The following BNC2 variants were observed in gnomAD, a reference collection of about 807,000 sequenced individuals.
BNC2 encodes zinc finger protein basonuclin-2.
BNC2 carries 20 observed loss-of-function variants against 76.3 expected under a neutral mutation model. That is an observed-to-expected ratio of 0.26 (90% CI 0.18 to 0.38). The LOEUF (loss-of-function observed/expected upper bound fraction) is 0.38, where lower values mean the gene tolerates loss of function less well. Ranked by LOEUF, BNC2 falls within the 10% of genes least tolerant of loss-of-function variation. BNC2 has a pLI of 1.00. For synonymous variants in BNC2, 582 were observed against 514.8 expected (o/e 1.13, Z -1.77); for missense variants, 1,382 against 1,399.8 (o/e 0.99, Z 0.20).
chr9:16,724,235 C>A (rs1439259705), intron 3 of BNC2, among the ~76,000 whole-genome samples: 1 of 151,900 alleles, frequency 6.6e-6, no homozygotes, highest in African/African-American at 2.4e-5. Flanking sequence ...ATAGACTGGA[C>A]TATTACATCC....
chr9:16,633,149 G>T (rs1476222880), intron 3 of BNC2, among the ~76,000 whole-genome samples: 1 of 152,110 alleles, frequency 6.6e-6, no homozygotes, highest in Non-Finnish European at 1.5e-5. Flanking sequence ...TGCGCAATTT[G>T]CCTCTGCAAC....
intron 2 of BNC2, among the ~76,000 whole-genome samples, chr9:16,732,297 G>A (rs929442024): frequency 6.6e-6 from 1 of 152,036 alleles, no homozygotes; most frequent in South Asian, 2.1e-4. Context: ...TTGAGGGGAA[G>A]GGGATATAAC....
Position 16,727,779 on chromosome 9 carries a change from A to G in BNC2, c.330+18T>C, listed in dbSNP as rs1262457026. On this transcript the variant is annotated intron_variant, in intron 3 of 6. Transcript: ENST00000380672. ...CTTAAAAAAAAGAAAAAAAAAATCA[A>G]GAAAGAAAGTAACTTACCTGTTGGG... 3.1e-6 allele frequency: 5 copies of G among 1,596,954 alleles called. No individual in the cohort carries two copies. The highest frequency in any genetic ancestry group is 3.4e-6 in the Non-Finnish European group (4 of 1,173,660).
intron 3 of BNC2, among the ~76,000 whole-genome samples, chr9:16,711,730 T>C (rs1823852674): frequency 6.6e-6 from 1 of 152,200 alleles, no homozygotes; most frequent in African/African-American, 2.4e-5. Context: ...AGAAGGAATA[T>C]ATTCTACTTT....
At position 16,689,024 on chromosome 9, in the gene BNC2, C is replaced by G. The variant is rs577825351; in HGVS notation, c.330+38773G>C. Among the ~76,000 whole-genome samples, 6 of 151,996 alleles carry G rather than the reference C, an allele frequency of 3.9e-5. No individual in the cohort carries two copies. In the South Asian group the frequency reaches 1.2e-3, roughly 32 times the overall value. On this transcript the variant is annotated intron_variant, in intron 3 of 6. Coordinates refer to ENST00000380672, the MANE Select transcript of BNC2 (RefSeq NM_017637.6). ...CTCAGGAGAATTCAACAAGGGAGGG[C>G]CAGTGGGCATTCACTTCGGTGTCAA...
intron 5 of BNC2, among the ~76,000 whole-genome samples, chr9:16,475,069 C>T (rs1227282696): frequency 6.6e-6 from 1 of 152,156 alleles, no homozygotes; most frequent in Non-Finnish European, 1.5e-5. Context: ...CAACACTATT[C>T]AGAAAGTAGG....
rs1820597826 is a variant in BNC2 at position 16,417,022 on chromosome 9, CT to C, written c.*1966del. On this transcript the variant is annotated 3_prime_UTR_variant, in exon 7 of 7. Coordinates refer to ENST00000380672, the MANE Select transcript of BNC2 (RefSeq NM_017637.6). ...TAAAGGGATATTTCTAACTTTTAGA[CT>C]GATGAAAGAAATGTCTGAGGCCATT... The C allele has an allele frequency of 2.6e-5, 4 of 152,444 alleles. No individual in the cohort carries two copies. The highest frequency in any genetic ancestry group is 1.3e-4 in the Admixed American group (2 of 15,274). 9.4% of individuals were successfully genotyped at this position (152,444 alleles called of 1,614,324 possible).
intron 3 of BNC2, among the ~76,000 whole-genome samples, chr9:16,598,593 G>A (rs955718893): frequency 6.6e-6 from 1 of 152,142 alleles, no homozygotes; most frequent in East Asian, 1.9e-4. Context: ...CTAGAAATAA[G>A]TACCTTCTTC....
At chr9:16,704,631 C>A (rs1197166817) in intron 3 of BNC2, 1 of 145,328 alleles carries the variant, frequency 6.9e-6, no homozygotes, top group East Asian at 2.0e-4. Flanking sequence ...CTTCTGCATT[C>A]CAAAATTGTA....
intron 1 of BNC2, among the ~76,000 whole-genome samples, chr9:16,788,149 G>C (rs972184118): frequency 1.3e-5 from 2 of 152,152 alleles, no homozygotes; most frequent in African/African-American, 4.8e-5. Flanking sequence ...CTGACTTCCA[G>C]TTCCACGGAC....
intron 1 of BNC2, among the ~76,000 whole-genome samples, chr9:16,764,624 A>G (rs1328015583): frequency 6.6e-6 from 1 of 152,206 alleles, no homozygotes; most frequent in African/African-American, 2.4e-5. Flanking sequence ...TAGAAAACAT[A>G]TAATAATTAT....
intron 1 of BNC2, among the ~76,000 whole-genome samples, chr9:16,783,408 A>G (rs912999687): frequency 2.6e-5 from 4 of 152,178 alleles, no homozygotes; most frequent in East Asian, 1.9e-4. Flanking sequence ...ATGTTACTCT[A>G]CAAGTACAAT....
chr9:16,580,356 G>A (rs1023973915), intron 4 of BNC2, among the ~76,000 whole-genome samples: 1 of 152,134 alleles, frequency 6.6e-6, no homozygotes, highest in Non-Finnish European at 1.5e-5. Context: ...GGAAAAAAGA[G>A]GTCAAGGTGA....
chr9:16,767,648 G>C (rs1478726976), intron 1 of BNC2, among the ~76,000 whole-genome samples: 1 of 152,156 alleles, frequency 6.6e-6, no homozygotes, highest in African/African-American at 2.4e-5. Flanking sequence ...TCTATAGACA[G>C]TGTAAAGCCA....
intron 1 of BNC2, among the ~76,000 whole-genome samples, chr9:16,848,154 C>A (rs1003108006): frequency 6.6e-6 from 1 of 152,058 alleles, no homozygotes; most frequent in African/African-American, 2.4e-5. Context: ...ATTTCTTTTG[C>A]TGAGAAAATT....
At chr9:16,810,960 T>G (rs909116906) in intron 1 of BNC2, among the ~76,000 whole-genome samples, 1 of 152,130 alleles carries the variant, frequency 6.6e-6, no homozygotes, top group African/African-American at 2.4e-5. Context: ...GGCTCACGCC[T>G]GTAATCCCAG....
At chr9:16,450,670 A>G (rs1563789486) in intron 5 of BNC2, among the ~76,000 whole-genome samples, 1 of 152,246 alleles carries the variant, frequency 6.6e-6, no homozygotes, top group Non-Finnish European at 1.5e-5. Flanking sequence ...TGGTAGAAAC[A>G]TGCATGTACA....
intron 3 of BNC2, among the ~76,000 whole-genome samples, chr9:16,697,600 A>AATCCC (rs71327843): frequency 0.6 from 90,673 of 151,300 alleles, 30,943 homozygotes; most frequent in Non-Finnish European, 0.79. Context: ...ACATGCCTGT[A>AATCCC]ATCCCAGCTA....
chr9:16,469,991 TC>T (rs1554645643), intron 5 of BNC2, among the ~76,000 whole-genome samples: 22 of 128,056 alleles, frequency 1.7e-4, no homozygotes, highest in African/African-American at 4.6e-4. Flanking sequence ...CTAATGGCAT[TC>T]TTTTTTTTTT....
Sources: gnomAD v4.1 joint callset for allele counts (sites outside exome capture counted in the v4.1 genomes callset) on GRCh38, gnomAD v4.1.1 for gene constraint, MANE v1.5 for transcripts, NCBI Gene and HGNC (gene_info 2026-07-23, HGNC 2026-07-21) for gene names.